The following SLC71A2 variants were observed in gnomAD, a reference collection of about 807,000 sequenced individuals.
SLC71A2 encodes the protein solute carrier family 71 member 2, also known as hippocampus abundant transcript-like 1.
chr9:94,415,495 A>G, the SLC71A2 span, among the ~76,000 whole-genome samples: 7 of 151,924 alleles, frequency 4.6e-5, no homozygotes, highest in Non-Finnish European at 7.4e-5. Flanking sequence ...GGGTGCTGTT[A>G]TACAAACGAA....
the SLC71A2 span, among the ~76,000 whole-genome samples, chr9:94,439,620 A>G: frequency 1.3e-5 from 2 of 151,358 alleles, no homozygotes; most frequent in Admixed American, 1.3e-4. Context: ...CACCTATCAC[A>G]TTCTAAATTT....
At chr9:94,442,201 A>C in the SLC71A2 span, among the ~76,000 whole-genome samples, 1 of 152,198 alleles carries the variant, frequency 6.6e-6, no homozygotes, top group Non-Finnish European at 1.5e-5. Context: ...TGGGTCTTTT[A>C]AATCTACTTC....
chr9:94,381,352 CTT>C, the SLC71A2 span, among the ~76,000 whole-genome samples: 4 of 133,624 alleles, frequency 3.0e-5, no homozygotes, highest in East Asian at 4.0e-4. Context: ...AATTTTCTAG[CTT>C]TTTTTTTTTT....
the SLC71A2 span, among the ~76,000 whole-genome samples, chr9:94,443,280 T>C: frequency 6.6e-6 from 1 of 152,104 alleles, no homozygotes; most frequent in East Asian, 1.9e-4. Flanking sequence ...TTAGCTGAAG[T>C]GTGCTCCCAG....
chr9:94,422,960 G>A, the SLC71A2 span, among the ~76,000 whole-genome samples: 2 of 140,992 alleles, frequency 1.4e-5, no homozygotes, highest in Non-Finnish European at 3.0e-5. Context: ...TCTAGATGGA[G>A]TCTTGCTCTT....
At chr9:94,445,211 T>G in the SLC71A2 span, 4 of 1,526,204 alleles carry the variant, frequency 2.6e-6, no homozygotes, top group Non-Finnish European at 3.6e-6. Flanking sequence ...ATATTTACTT[T>G]CCTAAATGTC....
At chr9:94,437,990 G>A in the SLC71A2 span, among the ~76,000 whole-genome samples, 3 of 151,764 alleles carry the variant, frequency 2.0e-5, no homozygotes, top group Non-Finnish European at 2.9e-5. Flanking sequence ...GTACAAAGGC[G>A]TGATCTTGGT....
the SLC71A2 span, chr9:94,451,486 G>T: frequency 6.4e-6 from 10 of 1,572,384 alleles, 1 homozygote; most frequent in South Asian, 1.1e-4. Flanking sequence ...TAAAATTGCA[G>T]CATTCATAGC....
the SLC71A2 span, among the ~76,000 whole-genome samples, chr9:94,443,703 A>G: frequency 1.3e-5 from 2 of 152,230 alleles, no homozygotes; most frequent in Non-Finnish European, 2.9e-5. Flanking sequence ...ATGAGGCCAT[A>G]GACCCTTTAA....
chr9:94,422,037 C>G, the SLC71A2 span, among the ~76,000 whole-genome samples: 1 of 152,122 alleles, frequency 6.6e-6, no homozygotes, highest in Admixed American at 6.6e-5. Flanking sequence ...CTCAGCCTCC[C>G]GAGTCCCGGC....
the SLC71A2 span, among the ~76,000 whole-genome samples, chr9:94,432,330 GTC>G: frequency 6.6e-6 from 1 of 150,428 alleles, no homozygotes; most frequent in Non-Finnish European, 1.5e-5. Context: ...GAGAAACCCT[GTC>G]TCTACTAAAA....
chr9:94,435,262 G>C, the SLC71A2 span, among the ~76,000 whole-genome samples: 1 of 152,056 alleles, frequency 6.6e-6, no homozygotes, highest in South Asian at 2.1e-4. Flanking sequence ...TAAATAAATA[G>C]AAGCAATGCA....
chr9:94,424,242 C>G, the SLC71A2 span, among the ~76,000 whole-genome samples: 5 of 148,418 alleles, frequency 3.4e-5, no homozygotes, highest in South Asian at 2.2e-4. Context: ...TTTTTTTTGG[C>G]GGAGGGGGGA....
the SLC71A2 span, among the ~76,000 whole-genome samples, chr9:94,375,514 A>C: frequency 6.6e-6 from 1 of 151,934 alleles, no homozygotes; most frequent in African/African-American, 2.4e-5. Flanking sequence ...CCCTGACTTA[A>C]CTGGCCTGGT....
At chr9:94,428,605 T>C in the SLC71A2 span, among the ~76,000 whole-genome samples, 1 of 142,472 alleles carries the variant, frequency 7.0e-6, no homozygotes, top group East Asian at 2.5e-4. Flanking sequence ...CCCCCCTTTT[T>C]TTTTTTTACT....
At chr9:94,426,736 C>G in the SLC71A2 span, among the ~76,000 whole-genome samples, 2 of 149,760 alleles carry the variant, frequency 1.3e-5, no homozygotes, top group African/African-American at 4.9e-5. Context: ...AAAATGTTTC[C>G]TATTTTTTTC....
At chr9:94,409,156 T>TTTTTTTA in the SLC71A2 span, among the ~76,000 whole-genome samples, 1 of 123,434 alleles carries the variant, frequency 8.1e-6, no homozygotes, top group Admixed American at 8.3e-5. Context: ...TTTTTTTTTT[T>TTTTTTTA]AAGGCAAGGT....
the SLC71A2 span, among the ~76,000 whole-genome samples, chr9:94,445,434 A>G: frequency 2.0e-5 from 3 of 152,210 alleles, no homozygotes; most frequent in Non-Finnish European, 4.4e-5. Context: ...GTTTGGGAAG[A>G]GAGTTTCTTT....
chr9:94,458,491 TAAC>T, the SLC71A2 span: 12 of 1,608,668 alleles, frequency 7.5e-6, no homozygotes, highest in South Asian at 2.2e-5. Context: ...TCTAGTTTTG[TAAC>T]AACAATTATG....
Sources: gnomAD v4.1 joint callset for allele counts (sites outside exome capture counted in the v4.1 genomes callset) on GRCh38, gnomAD v4.1.1 for gene constraint, MANE v1.5 for transcripts, NCBI Gene and HGNC (gene_info 2026-07-23, HGNC 2026-07-21) for gene names.